FNBP1L: variants seen among roughly 807,000 people sequenced by gnomAD.
FNBP1L encodes the protein formin binding protein 1 like.
Under a neutral mutation model 91.2 loss-of-function variants are expected in FNBP1L, and 36 were observed. That is an observed-to-expected ratio of 0.39 (90% CI 0.30 to 0.52). The LOEUF is 0.52. FNBP1L is among the 20% of genes least tolerant of loss of function. The probability of loss-of-function intolerance (pLI) is 0.66; values close to 1 mark genes in which losing one functional copy is unlikely to be tolerated. For missense variants in FNBP1L, 571 were observed against 732.1 expected (o/e 0.78, Z 2.54); for synonymous variants, 242 against 237.0 (o/e 1.02, Z -0.19).
intron 12 of FNBP1L, among the ~76,000 whole-genome samples, chr1:93,545,998 T>C (rs1557821706): frequency 6.6e-6 from 1 of 152,110 alleles, no homozygotes; most frequent in Non-Finnish European, 1.5e-5. Context: ...AAGATATGAA[T>C]CTAGAATTCA....
intron 1 of FNBP1L, among the ~76,000 whole-genome samples, chr1:93,475,478 G>A (rs985052616): frequency 6.6e-6 from 1 of 152,116 alleles, no homozygotes; most frequent in Non-Finnish European, 1.5e-5. Context: ...GGTCGAGGCT[G>A]CAGTGAGCTG....
chr1:93,483,265 T>C (rs1669780553), intron 1 of FNBP1L, among the ~76,000 whole-genome samples: 1 of 151,672 alleles, frequency 6.6e-6, no homozygotes, highest in Non-Finnish European at 1.5e-5. Flanking sequence ...GTTTTCGATG[T>C]TGAATAAAGA....
At chr1:93,476,337 G>T in intron 1 of FNBP1L, among the ~76,000 whole-genome samples, 1 of 152,032 alleles carries the variant, frequency 6.6e-6, no homozygotes, top group East Asian at 1.9e-4. Context: ...TTCCATGTTT[G>T]TATAATAATA....
chr1:93,492,218 C>T (rs1670116368), intron 1 of FNBP1L, among the ~76,000 whole-genome samples: 1 of 151,974 alleles, frequency 6.6e-6, no homozygotes, highest in Middle Eastern at 3.2e-3. Flanking sequence ...CTTTGAGAAT[C>T]CTGAAAGAGC....
chr1:93,515,177 C>T (rs1671040749), intron 2 of FNBP1L, among the ~76,000 whole-genome samples: 3 of 152,230 alleles, frequency 2.0e-5, no homozygotes, highest in Non-Finnish European at 4.4e-5. Flanking sequence ...CTCGCCATCA[C>T]TGGCCATCAG....
chr1:93,550,736 C>T (rs1028833396), intron 15 of FNBP1L, among the ~76,000 whole-genome samples: 2 of 152,154 alleles, frequency 1.3e-5, no homozygotes, highest in Non-Finnish European at 2.9e-5. Context: ...GTTATCCAGC[C>T]CTGCGGGCTT....
In FNBP1L at chr1:93,529,745, G is replaced by A; in HGVS notation, c.499G>A (p.Asp167Asn). The change falls in exon 6 of 17, where the codon GAT (aspartate) becomes AAT (asparagine). Residue 167 changes from aspartate to asparagine, a missense_variant. Transcript: ENST00000271234. Reference sequence around the variant, plus strand: ...TAATGATACTAATGCAACCAAGGCAGATGTTGAAAAGGTAAGAAATACTCC... The same window carrying A: ...TAATGATACTAATGCAACCAAGGCAAATGTTGAAAAGGTAAGAAATACTCC... The part of the protein sequence containing the change: ...LDNDTNATKA[D>N]VEKAKQQLNL... 1 of 1,513,292 alleles carries A rather than the reference G, an allele frequency of 6.6e-7. No homozygotes were observed. Among genetic ancestry groups the A allele is most frequent in the Non-Finnish European group, 8.8e-7 (1 of 1,133,358 alleles). 93.7% of individuals were successfully genotyped at this position (1,513,292 alleles called of 1,614,324 possible). A position where few individuals can be genotyped will look rare whatever the true frequency, so the allele number is the denominator to read the frequency against.
intron 1 of FNBP1L, among the ~76,000 whole-genome samples, chr1:93,449,227 C>G (rs368279567): frequency 5.3e-5 from 8 of 151,986 alleles, no homozygotes; most frequent in African/African-American, 1.7e-4. Flanking sequence ...AGAATTTGCT[C>G]CTGGCGCCGG....
chr1:93,449,611 G>A (rs1412693933), intron 1 of FNBP1L, among the ~76,000 whole-genome samples: 1 of 152,152 alleles, frequency 6.6e-6, no homozygotes, highest in Non-Finnish European at 1.5e-5. Flanking sequence ...TAGCCAGCCA[G>A]GAATCTCTTG....
At chr1:93,525,785 A>G (rs1361036486) in intron 5 of FNBP1L, among the ~76,000 whole-genome samples, 2 of 152,206 alleles carry the variant, frequency 1.3e-5, no homozygotes, top group Non-Finnish European at 2.9e-5. Context: ...GTTCAGCTCT[A>G]CTTGTGTTTA....
At chr1:93,515,398 A>G (rs1215864244) in intron 2 of FNBP1L, among the ~76,000 whole-genome samples, 1 of 151,810 alleles carries the variant, frequency 6.6e-6, no homozygotes, top group African/African-American at 2.4e-5. Flanking sequence ...CATTTGACCC[A>G]GCCATCCCAT....
At chr1:93,494,807 G>A (rs1481180156) in intron 1 of FNBP1L, among the ~76,000 whole-genome samples, 1 of 152,192 alleles carries the variant, frequency 6.6e-6, no homozygotes, top group Non-Finnish European at 1.5e-5. Context: ...GGCTGAGGAG[G>A]CCTCACAATC....
At chr1:93,493,378 T>C (rs950001294) in intron 1 of FNBP1L, among the ~76,000 whole-genome samples, 1 of 152,238 alleles carries the variant, frequency 6.6e-6, no homozygotes, top group African/African-American at 2.4e-5. Flanking sequence ...GTAAAATACA[T>C]AATGTAAAAT....
chr1:93,534,280 C>T (rs1671776087), intron 8 of FNBP1L, among the ~76,000 whole-genome samples: 1 of 152,018 alleles, frequency 6.6e-6, no homozygotes, highest in African/African-American at 2.4e-5. Context: ...GATGTTCTTT[C>T]CTCATTCCAA....
intron 3 of FNBP1L, among the ~76,000 whole-genome samples, chr1:93,522,952 C>CA (rs1397987813): frequency 6.6e-6 from 1 of 152,082 alleles, no homozygotes; most frequent in East Asian, 1.9e-4. Flanking sequence ...GTAGATCAGC[C>CA]ATCGAGATGC....
At chr1:93,482,817 A>C (rs7551016) in intron 1 of FNBP1L, among the ~76,000 whole-genome samples, 72,157 of 151,762 alleles carry the variant, frequency 0.48, 20,540 homozygotes, top group Non-Finnish European at 0.61. Context: ...CAGGAGATCG[A>C]GACCATCCTG....
At chr1:93,457,834 C>G (rs867511930) in intron 1 of FNBP1L, among the ~76,000 whole-genome samples, 1 of 151,374 alleles carries the variant, frequency 6.6e-6, no homozygotes, top group Non-Finnish European at 1.5e-5. Flanking sequence ...CTCTGTTGCT[C>G]AGGCTGGAGT....
chr1:93,531,851 T>C (rs1025048722), intron 7 of FNBP1L, among the ~76,000 whole-genome samples: 1 of 151,836 alleles, frequency 6.6e-6, no homozygotes. Context: ...GCTGTGGGAG[T>C]TTGGGGAGAC....
At chr1:93,543,886 A>G in intron 11 of FNBP1L, 1 of 284,976 alleles carries the variant, frequency 3.5e-6, no homozygotes. Context: ...GTTTTATAAA[A>G]TGACTGAAAT....
Sources: gnomAD v4.1 joint callset for allele counts (sites outside exome capture counted in the v4.1 genomes callset) on GRCh38, gnomAD v4.1.1 for gene constraint, MANE v1.5 for transcripts, NCBI Gene and HGNC (gene_info 2026-07-23, HGNC 2026-07-21) for gene names.